Variants in PLCH1 observed in about 807,000 individuals in gnomAD.
PLCH1 encodes the protein 1-phosphatidylinositol 4,5-bisphosphate phosphodiesterase eta-1.
PLCH1 carries 60 observed loss-of-function variants against 126.7 expected under a neutral mutation model. That is an observed-to-expected ratio of 0.47 (90% CI 0.38 to 0.59). The LOEUF is 0.59. Ranked by LOEUF, PLCH1 falls within the 20% of genes least tolerant of loss-of-function variation. The probability of loss-of-function intolerance (pLI) is 0.00; values close to 1 mark genes in which losing one functional copy is unlikely to be tolerated. For synonymous variants in PLCH1, 719 were observed against 734.9 expected, an observed-to-expected ratio of 0.98 and a Z score of 0.35; for missense variants, 1,723 against 2,040.0, an observed-to-expected ratio of 0.84 and a Z score of 2.99.
Position 155,713,658 on chromosome 3 carries a change from GA to G in PLCH1, c.-40-9395del, listed in dbSNP as rs1456702926. 6.6e-5 allele frequency among the ~76,000 whole-genome samples: 10 copies of G among 152,260 alleles called. No homozygotes were observed. The East Asian group carries it at 1.9e-3, about 29-fold the overall frequency. On this transcript the variant is annotated intron_variant, in intron 1 of 22. Coordinates refer to ENST00000460012, the MANE Select transcript of PLCH1 (RefSeq NM_014996.4). ...CATAGTAAGGTATCAAGGGACAATGGACAAACACCTGACTGGAAGTCAAAAA... is the reference window on the plus strand; with the variant it reads ...CATAGTAAGGTATCAAGGGACAATGGCAAACACCTGACTGGAAGTCAAAAA...
intron 6 of PLCH1, among the ~76,000 whole-genome samples, chr3:155,578,990 C>T (rs973256398): frequency 3.3e-5 from 5 of 152,148 alleles, no homozygotes; most frequent in African/African-American, 1.2e-4. Flanking sequence ...ACACGCCTTA[C>T]TAAATTCCCC....
chr3:155,501,285 T>C (rs944038447), intron 13 of PLCH1, among the ~76,000 whole-genome samples: 1 of 152,178 alleles, frequency 6.6e-6, no homozygotes, highest in African/African-American at 2.4e-5. Context: ...ATCATCTAAA[T>C]CAAATTTCCC....
At chr3:155,670,635 C>G (rs530808642) in intron 2 of PLCH1, among the ~76,000 whole-genome samples, 1 of 152,070 alleles carries the variant, frequency 6.6e-6, no homozygotes, top group Non-Finnish European at 1.5e-5. Context: ...TGATCTGAAC[C>G]AATTTCTCAA....
At chr3:155,618,124 A>C (rs929766083) in intron 2 of PLCH1, among the ~76,000 whole-genome samples, 2 of 152,234 alleles carry the variant, frequency 1.3e-5, no homozygotes, top group African/African-American at 4.8e-5. Flanking sequence ...TTTTGCAAAC[A>C]AATTGGTTCT....
chr3:155,533,271 G>T (rs1329439984), intron 10 of PLCH1, among the ~76,000 whole-genome samples: 2 of 152,222 alleles, frequency 1.3e-5, no homozygotes, highest in African/African-American at 4.8e-5. Context: ...ATCCAGCTGG[G>T]CATGGTGGCT....
At chr3:155,471,096 T>C (rs556684228) in intron 21 of PLCH1, among the ~76,000 whole-genome samples, 1 of 151,876 alleles carries the variant, frequency 6.6e-6, no homozygotes, top group Non-Finnish European at 1.5e-5. Context: ...TAAATATAAA[T>C]GGACTAAATG....
At chr3:155,591,634 TATAA>T (rs1161800693) in intron 4 of PLCH1, among the ~76,000 whole-genome samples, 2 of 152,222 alleles carry the variant, frequency 1.3e-5, no homozygotes, top group African/African-American at 4.8e-5. Flanking sequence ...TTATTATTAT[TATAA>T]ATAAACACAT....
At position 155,593,886 on chromosome 3, in the gene PLCH1, A is replaced by G; in HGVS notation, c.470+55T>C. 4 of 1,546,764 alleles carry G rather than the reference A, an allele frequency of 2.6e-6. No individual in the cohort carries two copies. The South Asian group carries it at 3.5e-5, about 14-fold the overall frequency. ...TCTAATCCTTACTTCACAAATGCAC[A>G]CACGCATACACAGAGAGCAAGAGAG... On this transcript the variant is annotated intron_variant, in intron 4 of 22. Coordinates refer to ENST00000460012, the MANE Select transcript of PLCH1 (RefSeq NM_014996.4).
At chr3:155,518,195 T>A (rs866755718) in intron 11 of PLCH1, among the ~76,000 whole-genome samples, 1 of 152,192 alleles carries the variant, frequency 6.6e-6, no homozygotes, top group African/African-American at 2.4e-5. Context: ...TTTCAATCAA[T>A]ATTTTGGGCC....
chr3:155,731,718 C>T (rs1748783416), intron 1 of PLCH1, among the ~76,000 whole-genome samples: 1 of 152,192 alleles, frequency 6.6e-6, no homozygotes, highest in African/African-American at 2.4e-5. Flanking sequence ...TGCTGTGGCT[C>T]ATGTCTGTAA....
At chr3:155,652,660 G>T (rs1267500271) in intron 2 of PLCH1, among the ~76,000 whole-genome samples, 1 of 152,064 alleles carries the variant, frequency 6.6e-6, no homozygotes, top group Non-Finnish European at 1.5e-5. Flanking sequence ...TCATTTACTT[G>T]TTCTCCTCAC....
intron 10 of PLCH1, among the ~76,000 whole-genome samples, chr3:155,542,686 A>G (rs1395030120): frequency 1.3e-5 from 2 of 152,226 alleles, no homozygotes; most frequent in African/African-American, 4.8e-5. Context: ...CCTCTGAGAC[A>G]AAACTTCCAG....
In PLCH1 at chr3:155,633,731, G is replaced by A. The variant is rs188965889; in HGVS notation, c.80-37353C>T. On this transcript the variant is annotated intron_variant, in intron 2 of 22. Transcript: ENST00000460012. ...GAGGCCGGGAGTTCGAGATCAGCCT[G>A]GCCAACATGGCCAACCCCATCTCTA... 3.3e-3 allele frequency among the ~76,000 whole-genome samples: 508 copies of A among 152,290 alleles called. 1 individual carries two copies. The highest frequency in any genetic ancestry group is 5.9e-3 in the Non-Finnish European group (403 of 68,014).
At chr3:155,712,485 T>A (rs1747196274) in intron 1 of PLCH1, among the ~76,000 whole-genome samples, 1 of 152,148 alleles carries the variant, frequency 6.6e-6, no homozygotes, top group South Asian at 2.1e-4. Flanking sequence ...TTCAAGCCAC[T>A]TGAATGGCTT....
intron 21 of PLCH1, among the ~76,000 whole-genome samples, chr3:155,458,453 G>GGAAAGAAAGAAAGAAAGAAAGAAAGAAA (rs796818041): frequency 3.5e-5 from 1 of 28,686 alleles, no homozygotes; most frequent in Non-Finnish European, 5.6e-5. Context: ...AAGGAAGGAA[G>GGAAAGAAAGAAAGAAAGAAAGAAAGAAA]GAAAGAAAGA....
chr3:155,640,767 G>T (rs1739306747), intron 2 of PLCH1, among the ~76,000 whole-genome samples: 1 of 152,028 alleles, frequency 6.6e-6, no homozygotes. Context: ...TATATATTAG[G>T]ACTAGAAGTT....
intron 2 of PLCH1, among the ~76,000 whole-genome samples, chr3:155,642,514 G>A (rs1739517730): frequency 6.6e-6 from 1 of 152,190 alleles, no homozygotes. Context: ...TTCCAAAAGA[G>A]ATTAGCATTT....
chr3:155,522,886 T>A (rs928060520), intron 11 of PLCH1, among the ~76,000 whole-genome samples: 1 of 151,618 alleles, frequency 6.6e-6, no homozygotes, highest in Non-Finnish European at 1.5e-5. Context: ...CGATGAGGCA[T>A]CTTTTTAAGT....
In PLCH1 at chr3:155,554,238, G is replaced by A. The variant is rs1726520256; in HGVS notation, c.1070-42C>T. On this transcript the variant is annotated intron_variant, in intron 8 of 22. Transcript: ENST00000460012. ...TTTATATCAACAACCCAAAGTCTCT[G>A]GTGTTTATTAATATTTCTGGAAATA... 4 of 1,588,660 alleles carry A rather than the reference G, an allele frequency of 2.5e-6. No homozygotes were observed. The South Asian group carries it at 4.6e-5, about 18-fold the overall frequency.
Sources: gnomAD v4.1 joint callset for allele counts (sites outside exome capture counted in the v4.1 genomes callset) on GRCh38, gnomAD v4.1.1 for gene constraint, MANE v1.5 for transcripts, NCBI Gene and HGNC (gene_info 2026-07-23, HGNC 2026-07-21) for gene names.